The following NAALADL2 variants were observed in gnomAD, a reference collection of about 807,000 sequenced individuals.
The protein encoded by NAALADL2 is N-acetylated alpha-linked acidic dipeptidase like 2.
In NAALADL2, 76 loss-of-function variants were observed where a neutral mutation model predicts 87.2. The ratio of observed to expected loss-of-function variants is 0.87; its 90% confidence interval spans 0.72 to 1.05. The LOEUF is 1.05. Among genes scored for constraint, NAALADL2 ranks in the 50% least tolerant of loss-of-function variants. NAALADL2 has a pLI of 0.00. For synonymous variants in NAALADL2, 354 were observed against 331.0 expected (o/e 1.07, Z -0.75); for missense variants, 1,089 against 945.8 (o/e 1.15, Z -1.99).
chr3:175,634,721 A>T (rs1051466371), intron 11 of NAALADL2, among the ~76,000 whole-genome samples: 31 of 152,004 alleles, frequency 2.0e-4, no homozygotes, highest in Admixed American at 1.8e-3. Flanking sequence ...AAAATATGAA[A>T]ATATTGTATT....
chr3:174,626,048 G>A (rs1261552995), intron 2 of NAALADL2, among the ~76,000 whole-genome samples: 3 of 148,192 alleles, frequency 2.0e-5, no homozygotes, highest in Non-Finnish European at 4.4e-5. Context: ...TATATTTATT[G>A]TGCACAACTA....
intron 11 of NAALADL2, among the ~76,000 whole-genome samples, chr3:175,643,459 C>T (rs1390500984): frequency 6.6e-6 from 1 of 152,160 alleles, no homozygotes; most frequent in African/African-American, 2.4e-5. Context: ...CCTAAAAAGA[C>T]TAGAATAGCC....
chr3:174,706,265 A>C (rs975309623), intron 2 of NAALADL2, among the ~76,000 whole-genome samples: 1 of 152,234 alleles, frequency 6.6e-6, no homozygotes. Context: ...AGAAGAATGA[A>C]GTTTGATCTC....
At chr3:175,270,095 C>T (rs1752590163) in intron 4 of NAALADL2, among the ~76,000 whole-genome samples, 1 of 152,086 alleles carries the variant, frequency 6.6e-6, no homozygotes, top group African/African-American at 2.4e-5. Flanking sequence ...CCAACAACTG[C>T]CTGAAAATGC....
At chr3:175,378,634 A>G (rs1767437208) in intron 5 of NAALADL2, among the ~76,000 whole-genome samples, 1 of 152,224 alleles carries the variant, frequency 6.6e-6, no homozygotes. Context: ...CCTGTCCTGC[A>G]AATACCAGCA....
At chr3:174,888,058 A>G (rs967840463) in intron 1 of NAALADL2, among the ~76,000 whole-genome samples, 9 of 152,200 alleles carry the variant, frequency 5.9e-5, no homozygotes, top group African/African-American at 4.8e-5. Flanking sequence ...CTTACAGGAT[A>G]TAATATTGAC....
chr3:175,380,827 C>T (rs1043601431), intron 5 of NAALADL2, among the ~76,000 whole-genome samples: 1 of 152,034 alleles, frequency 6.6e-6, no homozygotes, highest in Non-Finnish European at 1.5e-5. Context: ...AGTATACGAA[C>T]TCTGTGTCTG....
chr3:175,532,371 G>A (rs1734201081), intron 9 of NAALADL2, among the ~76,000 whole-genome samples: 1 of 152,158 alleles, frequency 6.6e-6, no homozygotes, highest in South Asian at 2.1e-4. Context: ...AAGATTAACA[G>A]CCTAAATTGT....
rs528267931 is a variant in NAALADL2 at position 174,878,434 on chromosome 3, G to T, written c.43+18984G>T. On this transcript the variant is annotated intron_variant, in intron 1 of 13. Transcript: ENST00000454872. Reference sequence around the variant, plus strand: ...GCCAACTAGAACTACTTAAAACTGCGTGAGCAACTATGTTGCTATGAAGAA... The same window carrying T: ...GCCAACTAGAACTACTTAAAACTGCTTGAGCAACTATGTTGCTATGAAGAA... 4.5e-4 allele frequency among the ~76,000 whole-genome samples: 68 copies of T among 152,126 alleles called. 2 individuals are homozygous for T. In the South Asian group the frequency reaches 0.014, roughly 32 times the overall value.
At chr3:175,258,238 G>A (rs992958378) in intron 4 of NAALADL2, among the ~76,000 whole-genome samples, 23 of 149,224 alleles carry the variant, frequency 1.5e-4, no homozygotes, top group Non-Finnish European at 3.4e-4. Context: ...AACCCGGGAG[G>A]CAGAACTTGC....
At chr3:175,426,497 T>C (rs959493930) in intron 5 of NAALADL2, among the ~76,000 whole-genome samples, 32 of 152,306 alleles carry the variant, frequency 2.1e-4, no homozygotes, top group African/African-American at 7.5e-4. Context: ...ATAGAATCAA[T>C]GCCACACACT....
intron 9 of NAALADL2, among the ~76,000 whole-genome samples, chr3:175,547,129 G>C (rs192734025): frequency 6.6e-6 from 1 of 152,142 alleles, no homozygotes; most frequent in East Asian, 1.9e-4. Context: ...TCAGCAAAAA[G>C]AACAAAGCTG....
At chr3:174,611,739 T>C (rs2108642428) in intron 2 of NAALADL2, among the ~76,000 whole-genome samples, 1 of 151,760 alleles carries the variant, frequency 6.6e-6, no homozygotes, top group South Asian at 2.1e-4. Context: ...TACAGGTGCA[T>C]GCCGCCACGC....
intron 11 of NAALADL2, among the ~76,000 whole-genome samples, chr3:175,662,309 A>G (rs190741567): frequency 6.6e-6 from 1 of 152,114 alleles, no homozygotes; most frequent in East Asian, 1.9e-4. Flanking sequence ...CCATTAGAAC[A>G]TAGAAAAGCT....
intron 1 of NAALADL2, among the ~76,000 whole-genome samples, chr3:174,517,830 T>C (rs1397680445): frequency 6.6e-6 from 1 of 152,104 alleles, no homozygotes; most frequent in Non-Finnish European, 1.5e-5. Context: ...CACTCACTGA[T>C]TTCCTCCTAA....
At chr3:174,638,373 A>C (rs944790219) in intron 2 of NAALADL2, among the ~76,000 whole-genome samples, 4 of 152,166 alleles carry the variant, frequency 2.6e-5, no homozygotes, top group Non-Finnish European at 5.9e-5. Context: ...TTTCATTATT[A>C]ATGTAATAGA....
intron 10 of NAALADL2, among the ~76,000 whole-genome samples, chr3:175,620,020 C>T (rs1442152468): frequency 6.6e-6 from 1 of 151,560 alleles, no homozygotes; most frequent in Admixed American, 6.6e-5. Context: ...AAATGGCAGG[C>T]ACGCTACTCA....
chr3:174,518,895 A>G (rs987940654), intron 1 of NAALADL2, among the ~76,000 whole-genome samples: 8 of 152,236 alleles, frequency 5.3e-5, no homozygotes, highest in Non-Finnish European at 8.8e-5. Context: ...TTGCACTCAC[A>G]TGATAAATCT....
intron 4 of NAALADL2, among the ~76,000 whole-genome samples, chr3:175,298,433 T>C (rs1266066856): frequency 6.6e-6 from 1 of 152,144 alleles, no homozygotes; most frequent in Non-Finnish European, 1.5e-5. Flanking sequence ...ATCAACAGAC[T>C]TCTAAAAAGT....
Sources: gnomAD v4.1 joint callset for allele counts (sites outside exome capture counted in the v4.1 genomes callset) on GRCh38, gnomAD v4.1.1 for gene constraint, MANE v1.5 for transcripts, NCBI Gene and HGNC (gene_info 2026-07-23, HGNC 2026-07-21) for gene names.